KIF16B: variants seen among roughly 807,000 people sequenced by gnomAD.
KIF16B encodes kinesin family member 16B.
A neutral mutation model predicts 156.3 loss-of-function variants in KIF16B; 98 were observed. The ratio of observed to expected loss-of-function variants is 0.63; its 90% CI spans 0.53 to 0.74. The LOEUF is 0.74. Ranked by LOEUF, KIF16B falls within the 30% of genes least tolerant of loss-of-function variation. The pLI is 0.00. For synonymous variants in KIF16B, 564 were observed against 583.7 expected (o/e 0.97, Z 0.49); for missense variants, 1,421 against 1,606.5 (o/e 0.88, Z 1.97).
chr20:16,440,900 G>A (rs1029231985), intron 12 of KIF16B, among the ~76,000 whole-genome samples: 6 of 151,638 alleles, frequency 4.0e-5, no homozygotes, highest in Non-Finnish European at 5.9e-5. Flanking sequence ...AGTCCTCTCC[G>A]CTGGCTGAGC....
chr20:16,483,299 C>G (rs745356521), intron 12 of KIF16B, among the ~76,000 whole-genome samples: 1 of 152,132 alleles, frequency 6.6e-6, no homozygotes, highest in Non-Finnish European at 1.5e-5. Context: ...GCTAATAAAC[C>G]CCTGTACCAT....
In KIF16B at chr20:16,277,654, G is replaced by A. The variant is rs998739746; in HGVS notation, c.3796-4243C>T. Among the ~76,000 whole-genome samples, 21 of 152,158 alleles carry A rather than the reference G, an allele frequency of 1.4e-4. No homozygotes were observed. The South Asian group carries it at 1.5e-3, about 11-fold the overall frequency. ...AAAGTCACCGTAGCCCTCCCAGGAT[G>A]TGAAAAATCAGTCCAGGTGTCAAGC... On this transcript the variant is annotated intron_variant, in intron 25 of 25. Transcript: ENST00000354981.
intron 12 of KIF16B, among the ~76,000 whole-genome samples, chr20:16,456,145 T>C (rs1350695014): frequency 6.6e-6 from 1 of 150,776 alleles, no homozygotes; most frequent in Non-Finnish European, 1.5e-5. Flanking sequence ...TACAATACAA[T>C]ACAATACAAT....
At chr20:16,489,648 G>A (rs2068224931) in intron 12 of KIF16B, among the ~76,000 whole-genome samples, 2 of 151,080 alleles carry the variant, frequency 1.3e-5, no homozygotes, top group Non-Finnish European at 2.9e-5. Context: ...AGTGAGCCAA[G>A]ATCGCACCAC....
At chr20:16,489,431 T>A (rs888806502) in intron 12 of KIF16B, among the ~76,000 whole-genome samples, 1 of 152,064 alleles carries the variant, frequency 6.6e-6, no homozygotes, top group African/African-American at 2.4e-5. Flanking sequence ...TGTGTCTAAA[T>A]CAACACTGTC....
At chr20:16,418,159 G>T (rs771644050) in intron 15 of KIF16B, among the ~76,000 whole-genome samples, 10 of 151,966 alleles carry the variant, frequency 6.6e-5, no homozygotes, top group African/African-American at 1.4e-4. Context: ...AAGAAAAATA[G>T]ATGTGATGAG....
Position 16,272,306 on chromosome 20 carries a change from T to C in KIF16B, c.*947A>G, listed in dbSNP as rs566734069. On this transcript the variant is annotated 3_prime_UTR_variant, in exon 26 of 26. Coordinates refer to ENST00000354981, the MANE Select transcript of KIF16B (RefSeq NM_024704.5). ...TATTTTTTCCACTCACATTTTTCTC[T>C]TTAGTAAAACAAAGCAGTTTTACTG... 6.5e-6 allele frequency: 1 copy of C among 152,774 alleles called. No individual in the cohort carries two copies. Among genetic ancestry groups the C allele is most frequent in the East Asian group, 1.9e-4 (1 of 5,192 alleles). The allele number at this position is 152,774 out of a possible 1,614,324, so 9.5% of individuals were successfully genotyped here.
intron 17 of KIF16B, among the ~76,000 whole-genome samples, chr20:16,391,060 G>GA (rs1465967248): frequency 6.6e-6 from 1 of 152,112 alleles, no homozygotes; most frequent in African/African-American, 2.4e-5. Flanking sequence ...GCTTGGCCTT[G>GA]AAAAACGGAT....
intron 12 of KIF16B, among the ~76,000 whole-genome samples, chr20:16,434,234 A>ACT (rs1161510062): frequency 2.0e-5 from 3 of 152,030 alleles, no homozygotes; most frequent in African/African-American, 7.3e-5. Flanking sequence ...CTTTGCTGGG[A>ACT]CTCTCACAGA....
intron 17 of KIF16B, among the ~76,000 whole-genome samples, chr20:16,389,328 T>C (rs539903405): frequency 6.6e-6 from 1 of 152,292 alleles, no homozygotes; most frequent in Admixed American, 6.5e-5. Context: ...CAACTTTCAA[T>C]ATGTACTGAA....
At position 16,410,132 on chromosome 20, in the gene KIF16B, C is replaced by CAT. The variant is rs201096884; in HGVS notation, c.1613-3678_1613-3677dup. On this transcript the variant is annotated intron_variant, in intron 15 of 25. Transcript: ENST00000354981. ...GTAGGTACATATATATATGTAGGTA[C>CAT]ATATATATATGTAGGTACATATACA... Among the ~76,000 whole-genome samples the CAT allele has an allele frequency of 5.3e-4, 64 of 121,644 alleles. 1 individual carries two copies. Among genetic ancestry groups the CAT allele is most frequent in the South Asian group, 1.1e-3 (4 of 3,746 alleles). The allele number at this position is 121,644 out of a possible 152,430, so 79.8% of individuals were successfully genotyped here. A position where few individuals can be genotyped will look rare whatever the true frequency, so the allele number is the denominator to read the frequency against.
At chr20:16,399,115 G>C (rs1267388480) in intron 17 of KIF16B, among the ~76,000 whole-genome samples, 1 of 152,120 alleles carries the variant, frequency 6.6e-6, no homozygotes, top group East Asian at 1.9e-4. Flanking sequence ...ACTGGTTCTG[G>C]AGAGGTGATG....
At chr20:16,295,296 G>T (rs1216480867) in intron 25 of KIF16B, among the ~76,000 whole-genome samples, 2 of 152,122 alleles carry the variant, frequency 1.3e-5, no homozygotes, top group Non-Finnish European at 2.9e-5. Context: ...GGGCTATGCT[G>T]CAATCCTTCC....
At position 16,326,339 on chromosome 20, in the gene KIF16B, G is replaced by T. The variant is rs545176162; in HGVS notation, c.3711+9587C>A. On this transcript the variant is annotated intron_variant, in intron 24 of 25. Transcript: ENST00000354981. ...ACTAAAAAGCTTCTGCACAGCAAAA[G>T]AAATAATCAGCAGAATAAACAGACA... is the stretch of plus-strand genomic sequence containing the variant. Among the ~76,000 whole-genome samples, 47 of 150,736 alleles carry T rather than the reference G, an allele frequency of 3.1e-4. No homozygotes were observed. In the Middle Eastern group the frequency reaches 0.01, roughly 33 times the overall value.
At chr20:16,277,453 T>G (rs6080198) in intron 25 of KIF16B, among the ~76,000 whole-genome samples, 5 of 106,400 alleles carry the variant, frequency 4.7e-5, no homozygotes, top group Non-Finnish European at 7.1e-5. Flanking sequence ...CTATTTTATG[T>G]ACATATTATA....
At chr20:16,444,809 T>C (rs981231964) in intron 12 of KIF16B, among the ~76,000 whole-genome samples, 1 of 152,228 alleles carries the variant, frequency 6.6e-6, no homozygotes, top group Non-Finnish European at 1.5e-5. Flanking sequence ...ACGCTGCACA[T>C]ACCTTGAACC....
chr20:16,439,432 C>T (rs1245499077), intron 12 of KIF16B, among the ~76,000 whole-genome samples: 2 of 152,126 alleles, frequency 1.3e-5, no homozygotes, highest in African/African-American at 4.8e-5. Context: ...TTGCCCCTGC[C>T]CACCTCTCCA....
At position 16,537,973 on chromosome 20, in the gene KIF16B, G is replaced by C. The variant is rs1224180752; in HGVS notation, c.48-9533C>G. Among the ~76,000 whole-genome samples, 11 of 152,172 alleles carry C rather than the reference G, an allele frequency of 7.2e-5. No homozygotes were observed. In the East Asian group the frequency reaches 1.9e-3, roughly 27 times the overall value. Reference sequence around the variant, plus strand: ...CACACCTTGGCCTCCCAAAGTGTTAGGGTTACAGGCATGAGCCACCATGCC... The same window carrying C: ...CACACCTTGGCCTCCCAAAGTGTTACGGTTACAGGCATGAGCCACCATGCC... On this transcript the variant is annotated intron_variant, in intron 1 of 25. Transcript: ENST00000354981.
intron 1 of KIF16B, among the ~76,000 whole-genome samples, chr20:16,553,711 A>C (rs372406030): frequency 2.0e-5 from 3 of 152,230 alleles, no homozygotes; most frequent in East Asian, 1.9e-4. Context: ...GTTATGTAAG[A>C]TTCTTCTCCA....
Sources: allele counts gnomAD v4.1 joint callset (sites outside exome capture counted in the v4.1 genomes callset), GRCh38; gene constraint gnomAD v4.1.1; transcripts MANE v1.5; gene names NCBI Gene and HGNC (gene_info 2026-07-23, HGNC 2026-07-21).